UBR3: variants seen among roughly 807,000 people sequenced by gnomAD.
UBR3 encodes the protein ubiquitin protein ligase E3 component n-recognin 3.
UBR3 carries 85 observed loss-of-function variants against 243.2 expected under a neutral mutation model. The observed-to-expected ratio is 0.35, with a 90% CI of 0.29 to 0.42. The LOEUF (loss-of-function observed/expected upper bound fraction) is 0.42, where lower values mean the gene tolerates loss of function less well. Ranked by LOEUF, UBR3 falls within the 10% of genes least tolerant of loss-of-function variation. The probability of loss-of-function intolerance (pLI) is 1.00; values close to 1 mark genes in which losing one functional copy is unlikely to be tolerated. For missense variants in UBR3, 1,686 were observed against 2,300.8 expected (o/e 0.73, Z 5.47); for synonymous variants, 748 against 799.8 (o/e 0.94, Z 1.09).
At chr2:169,891,372 A>C (rs2084368329) in intron 6 of UBR3, 141 bp downstream of exon 6, 1 of 558,194 alleles carries the variant, frequency 1.8e-6, no homozygotes, top group Non-Finnish European at 3.1e-6. Context: ...TTATCTAATA[A>C]GTCTTGGAGA....
At chr2:169,897,034 A>G (rs1478212872) in intron 8 of UBR3, among the ~76,000 whole-genome samples, 1 of 152,102 alleles carries the variant, frequency 6.6e-6, no homozygotes, top group East Asian at 1.9e-4. Flanking sequence ...ACTTTGCTAT[A>G]TTTCTTTTCT....
At chr2:169,967,196 A>G (rs1003113453) in intron 24 of UBR3, among the ~76,000 whole-genome samples, 2 of 151,774 alleles carry the variant, frequency 1.3e-5, no homozygotes, top group African/African-American at 4.8e-5. Context: ...GCTCTTTACT[A>G]TTTCTTCATA....
chr2:169,857,284 A>T (rs115834271), intron 1 of UBR3, among the ~76,000 whole-genome samples: 2,496 of 151,948 alleles, frequency 0.016, 28 homozygotes, highest in Admixed American at 0.027. Context: ...CACATTGGCC[A>T]GGCTTGTCTC....
intron 1 of UBR3, among the ~76,000 whole-genome samples, chr2:169,844,725 G>A (rs972690581): frequency 1.3e-5 from 2 of 152,068 alleles, no homozygotes; most frequent in African/African-American, 4.8e-5. Flanking sequence ...TCTAATTCCT[G>A]ACCTCAGGTG....
At chr2:169,955,597 C>T (rs2087244255) in intron 23 of UBR3, among the ~76,000 whole-genome samples, 1 of 151,804 alleles carries the variant, frequency 6.6e-6, no homozygotes, top group Non-Finnish European at 1.5e-5. Context: ...AGTTCGAGAT[C>T]AGCCTGGCCA....
intron 35 of UBR3, among the ~76,000 whole-genome samples, chr2:170,065,710 G>A (rs559556281): frequency 6.6e-6 from 1 of 151,926 alleles, no homozygotes; most frequent in African/African-American, 2.4e-5. Context: ...ATTTTTACTG[G>A]CATGTACAAA....
rs1559049748 is a variant in UBR3 at position 169,878,611 on chromosome 2, A to G, written c.1038+37A>G. 5 of 1,522,726 alleles carry G rather than the reference A, an allele frequency of 3.3e-6. No homozygotes were observed. In the East Asian group the frequency reaches 9.8e-5, roughly 30 times the overall value. The allele number at this position is 1,522,726 out of a possible 1,614,324, so 94.3% of individuals were successfully genotyped here. On this transcript the variant is annotated intron_variant, in intron 5 of 38. Transcript: ENST00000272793. ...AGTTCAAAACTTTTTAAAAAGTACAATTTTGTGCTTTTTTATACTTTTTTA... is the reference window on the plus strand; with the variant it reads ...AGTTCAAAACTTTTTAAAAAGTACAGTTTTGTGCTTTTTTATACTTTTTTA...
At chr2:170,030,509 G>C (rs2090640090) in intron 31 of UBR3, among the ~76,000 whole-genome samples, 1 of 151,856 alleles carries the variant, frequency 6.6e-6, no homozygotes, top group Non-Finnish European at 1.5e-5. Flanking sequence ...TTTCTTTTTT[G>C]TTACTTGTAT....
At chr2:170,017,542 CACAG>C (rs1174753088) in intron 30 of UBR3, among the ~76,000 whole-genome samples, 2,511 of 44,898 alleles carry the variant, frequency 0.056, 17 homozygotes, top group African/African-American at 0.065. Flanking sequence ...CACACACACA[CACAG>C]ACACACACAC....
chr2:169,940,345 T>C (rs2086532441), intron 19 of UBR3, among the ~76,000 whole-genome samples: 1 of 152,180 alleles, frequency 6.6e-6, no homozygotes, highest in African/African-American at 2.4e-5. Context: ...ATTTTTCTGT[T>C]ATGATTTTTA....
chr2:169,976,171 C>T (rs1283271776), intron 24 of UBR3, among the ~76,000 whole-genome samples: 1 of 151,726 alleles, frequency 6.6e-6, no homozygotes, highest in African/African-American at 2.4e-5. Context: ...AATTGGTTTA[C>T]ATTCAAGTTT....
chr2:170,061,173 A>G lies in UBR3; in HGVS notation c.4880A>G (p.Gln1627Arg), dbSNP rs754851720. ...KGKLYHEEGT[Q>R]ECAMVNPIAW... is the part of the protein sequence containing the mutation. ...AAGTTATACCATGAAGAAGGAACTC[A>G]GGAATGTGCAATGGTATGTTTCTGC... Residue 1627 changes from glutamine to arginine, a missense_variant, in exon 34 of 39, where the codon CAG (glutamine) becomes CGG (arginine). By Grantham distance (43) the Gln-to-Arg change is conservative (BLOSUM62 1). Coordinates refer to ENST00000272793, the MANE Select transcript of UBR3 (RefSeq NM_172070.4). 1 of 1,596,196 alleles carries G rather than the reference A, an allele frequency of 6.3e-7. No individual in the cohort carries two copies. The highest frequency in any genetic ancestry group is 8.5e-7 in the Non-Finnish European group (1 of 1,174,772).
Position 170,061,198 on chromosome 2 carries a change from C to T in UBR3, c.4893+12C>T, listed in dbSNP as rs1473778490. Reference sequence around the variant, plus strand: ...AGGAATGTGCAATGGTATGTTTCTGCAAAAATCAGATGTAGCGGTTATTTA... The same window carrying T: ...AGGAATGTGCAATGGTATGTTTCTGTAAAAATCAGATGTAGCGGTTATTTA... On this transcript the variant is annotated intron_variant, in intron 34 of 38. Coordinates refer to ENST00000272793, the MANE Select transcript of UBR3 (RefSeq NM_172070.4). 1.3e-6 allele frequency: 2 copies of T among 1,582,792 alleles called. No homozygotes were observed. The highest frequency in any genetic ancestry group is 2.7e-5 in the African/African-American group (2 of 72,912).
chr2:169,972,758 CG>C (rs1203810720), intron 24 of UBR3, among the ~76,000 whole-genome samples: 1 of 151,690 alleles, frequency 6.6e-6, no homozygotes, highest in East Asian at 1.9e-4. Flanking sequence ...ATTGATGGGA[CG>C]TATCTCAAAA....
At chr2:169,838,948 G>GGA (rs1223721357) in intron 1 of UBR3, among the ~76,000 whole-genome samples, 1 of 152,140 alleles carries the variant, frequency 6.6e-6, no homozygotes, top group Non-Finnish European at 1.5e-5. Context: ...CAGCCACTGT[G>GGA]GAGAACAGTA....
chr2:169,894,253 T>A (rs2084488297), intron 6 of UBR3, among the ~76,000 whole-genome samples: 1 of 143,136 alleles, frequency 7.0e-6, no homozygotes, highest in Non-Finnish European at 1.5e-5. Context: ...AGCTGAGGAG[T>A]TTGAGGCTGC....
chr2:169,976,833 G>A (rs535178179), intron 24 of UBR3, among the ~76,000 whole-genome samples: 1 of 152,074 alleles, frequency 6.6e-6, no homozygotes, highest in Non-Finnish European at 1.5e-5. Context: ...AGGTGTTACT[G>A]GTTTTCTATG....
chr2:169,878,657 G>T (rs1479259116), intron 5 of UBR3, 83 bp downstream of exon 5: 1 of 1,219,836 alleles, frequency 8.2e-7, no homozygotes, highest in Non-Finnish European at 1.2e-6. Context: ...CTTCTTTATA[G>T]TTCTGAAACT....
At chr2:169,905,982 A>G (rs939260826) in intron 9 of UBR3, 49 bp from the exon 10 acceptor site, 4 of 1,535,524 alleles carry the variant, frequency 2.6e-6, no homozygotes, top group Non-Finnish European at 3.5e-6. Flanking sequence ...TTTAACATGA[A>G]TGTGTGCTTC....
Sources: allele counts gnomAD v4.1 joint callset (sites outside exome capture counted in the v4.1 genomes callset), GRCh38; gene constraint gnomAD v4.1.1; transcripts MANE v1.5; gene names NCBI Gene and HGNC (gene_info 2026-07-23, HGNC 2026-07-21).